Variants in RALYL observed in about 807,000 individuals in gnomAD.
RALYL encodes RALY RNA binding protein like.
RALYL carries 29 observed loss-of-function variants against 35.1 expected under a neutral mutation model. That is an observed-to-expected ratio of 0.83 (90% CI 0.61 to 1.13). The LOEUF is 1.13. Among genes scored for constraint, RALYL ranks in the 50% most tolerant of loss-of-function variants. The probability of loss-of-function intolerance (pLI) is 0.00; values close to 1 mark genes in which losing one functional copy is unlikely to be tolerated. For missense variants in RALYL, 359 were observed against 360.4 expected (o/e 1.00, Z 0.03); for synonymous variants, 120 against 127.6 (o/e 0.94, Z 0.40).
intron 2 of RALYL, among the ~76,000 whole-genome samples, chr8:84,706,363 G>C (rs901743232): frequency 6.6e-6 from 1 of 152,154 alleles, no homozygotes; most frequent in Non-Finnish European, 1.5e-5. Context: ...TCACTGGACA[G>C]TTCTCTTTTT....
chr8:84,203,210 C>A (rs1270694296), intron 1 of RALYL, among the ~76,000 whole-genome samples: 1 of 151,874 alleles, frequency 6.6e-6, no homozygotes, highest in Admixed American at 6.6e-5. Context: ...CCTTTTGAGT[C>A]CTGCAGAGTT....
intron 4 of RALYL, among the ~76,000 whole-genome samples, chr8:84,835,881 C>G (rs1223048613): frequency 6.6e-6 from 1 of 151,472 alleles, no homozygotes; most frequent in Admixed American, 6.6e-5. Flanking sequence ...TAGAGCCAGA[C>G]AGAGCGTAGG....
At chr8:84,294,704 CA>C (rs1839422694) in intron 1 of RALYL, among the ~76,000 whole-genome samples, 1 of 151,840 alleles carries the variant, frequency 6.6e-6, no homozygotes, top group South Asian at 2.1e-4. Context: ...TTGTGTGACT[CA>C]CAGAAGTCAC....
intron 1 of RALYL, among the ~76,000 whole-genome samples, chr8:84,512,742 A>G (rs748713874): frequency 5.9e-5 from 9 of 152,182 alleles, no homozygotes; most frequent in East Asian, 3.8e-4. Context: ...ATACTTCTGC[A>G]TATGGATGTC....
intron 1 of RALYL, among the ~76,000 whole-genome samples, chr8:84,293,153 G>A (rs1839088963): frequency 6.6e-6 from 1 of 152,042 alleles, no homozygotes; most frequent in Non-Finnish European, 1.5e-5. Flanking sequence ...ACTTTTTTAA[G>A]TTTAAAACTC....
intron 2 of RALYL, among the ~76,000 whole-genome samples, chr8:84,675,976 T>G (rs577269710): frequency 6.6e-6 from 1 of 152,290 alleles, no homozygotes; most frequent in South Asian, 2.1e-4. Flanking sequence ...TGCAAGGCAA[T>G]TGATGTGTTA....
At chr8:84,704,482 C>A (rs1387512249) in intron 2 of RALYL, among the ~76,000 whole-genome samples, 1 of 148,360 alleles carries the variant, frequency 6.7e-6, no homozygotes, top group Non-Finnish European at 1.5e-5. Context: ...CACACACACA[C>A]AACAACTCAT....
chr8:84,678,070 G>C (rs1015380381), intron 2 of RALYL, among the ~76,000 whole-genome samples: 2 of 152,012 alleles, frequency 1.3e-5, no homozygotes, highest in African/African-American at 2.4e-5. Context: ...AAAATCCTTA[G>C]TTCTAAATTT....
In RALYL at chr8:84,288,562, C is replaced by CT. The variant is rs1286720564; in HGVS notation, c.-24+104144dup. Reference sequence around the variant, plus strand: ...CTTTTTTCTGCATTTTTAGTTGCATCTTTTTTCTGCATTTTTAGTTGCATA... The same window carrying CT: ...CTTTTTTCTGCATTTTTAGTTGCATCTTTTTTTCTGCATTTTTAGTTGCATA... On this transcript the variant is annotated intron_variant, in intron 1 of 8. Coordinates refer to ENST00000521268, the MANE Select transcript of RALYL (RefSeq NM_173848.7). 9.9e-5 allele frequency among the ~76,000 whole-genome samples: 15 copies of CT among 152,134 alleles called. No individual in the cohort carries two copies. The East Asian group carries it at 2.7e-3, about 27-fold the overall frequency.
intron 1 of RALYL, among the ~76,000 whole-genome samples, chr8:84,321,426 C>T (rs1228635306): frequency 6.6e-6 from 1 of 152,056 alleles, no homozygotes; most frequent in Non-Finnish European, 1.5e-5. Context: ...GCCACTGGAG[C>T]CATACCTGGT....
At chr8:84,216,518 A>G (rs796493832) in intron 1 of RALYL, among the ~76,000 whole-genome samples, 7 of 152,278 alleles carry the variant, frequency 4.6e-5, no homozygotes, top group African/African-American at 1.7e-4. Flanking sequence ...GCAAATTAAC[A>G]TATTCATCAT....
chr8:84,617,599 A>G (rs1182468975), intron 2 of RALYL, among the ~76,000 whole-genome samples: 2 of 148,456 alleles, frequency 1.3e-5, no homozygotes, highest in Admixed American at 6.7e-5. Context: ...TCTCCTGCCT[A>G]ATTGCCCTGG....
intron 2 of RALYL, among the ~76,000 whole-genome samples, chr8:84,592,583 T>C (rs1321825737): frequency 6.6e-6 from 1 of 152,116 alleles, no homozygotes; most frequent in Non-Finnish European, 1.5e-5. Flanking sequence ...ATAAAGCACT[T>C]AATTGAATGT....
rs2056115440 is a variant in RALYL, at chr8:84,497,100, T to C, written c.-23-32199T>C. ...GGCTTATGGTCTAAGATGAGGCCGC[T>C]TACCATCCATGAAAACCTCCATCCA... On this transcript the variant is annotated intron_variant, in intron 1 of 8. Coordinates refer to ENST00000521268, the MANE Select transcript of RALYL (RefSeq NM_173848.7). 2.0e-5 allele frequency among the ~76,000 whole-genome samples: 3 copies of C among 152,130 alleles called. No individual in the cohort carries two copies. In the South Asian group the frequency reaches 6.2e-4, roughly 32 times the overall value.
intron 4 of RALYL, among the ~76,000 whole-genome samples, chr8:84,837,415 C>T (rs1832245404): frequency 6.6e-6 from 1 of 152,052 alleles, no homozygotes; most frequent in South Asian, 2.1e-4. Flanking sequence ...ATGTTTCCTA[C>T]TTGTGCTAGG....
At chr8:84,755,958 T>C (rs1422586400) in intron 2 of RALYL, among the ~76,000 whole-genome samples, 1 of 151,992 alleles carries the variant, frequency 6.6e-6, no homozygotes, top group African/African-American at 2.4e-5. Context: ...GAGTTTTAAA[T>C]CATGTGAAGC....
intron 1 of RALYL, among the ~76,000 whole-genome samples, chr8:84,515,362 T>G (rs1313743506): frequency 6.6e-6 from 1 of 152,174 alleles, no homozygotes; most frequent in Non-Finnish European, 1.5e-5. Flanking sequence ...TGTTTTTGCG[T>G]GGAGGAATGT....
In RALYL at chr8:84,676,416, TATAG is replaced by T. The variant is rs143501768; in HGVS notation, c.257-98158_257-98155del. Among the ~76,000 whole-genome samples the T allele has an allele frequency of 3.1e-4, 47 of 152,330 alleles. No homozygotes were observed. The East Asian group carries it at 8.1e-3, about 26-fold the overall frequency. ...ATTGTAGGCATAACCCCTTTTTTCC[TATAG>T]ATAGTTTATGAGAATGTTGCAATCA... On this transcript the variant is annotated intron_variant, in intron 2 of 8. Transcript: ENST00000521268.
intron 7 of RALYL, among the ~76,000 whole-genome samples, chr8:84,873,719 C>T (rs945914157): frequency 6.6e-6 from 1 of 152,016 alleles, no homozygotes; most frequent in Non-Finnish European, 1.5e-5. Context: ...AATCAATTAA[C>T]AGAATAATGC....
Sources: gnomAD v4.1 joint callset for allele counts (sites outside exome capture counted in the v4.1 genomes callset) on GRCh38, gnomAD v4.1.1 for gene constraint, MANE v1.5 for transcripts, NCBI Gene and HGNC (gene_info 2026-07-23, HGNC 2026-07-21) for gene names.